Variants in RC3H1 observed in about 807,000 individuals in gnomAD.
RC3H1 encodes ring finger and CCCH-type domains 1.
Under a neutral mutation model 138.2 loss-of-function variants are expected in RC3H1, and 50 were observed. That is an observed-to-expected ratio of 0.36 (90% CI 0.29 to 0.46). The LOEUF (loss-of-function observed/expected upper bound fraction) is 0.46. Among genes scored for constraint, RC3H1 ranks in the 20% least tolerant of loss-of-function variants. The probability of loss-of-function intolerance (pLI) is 1.00; values close to 1 mark genes in which losing one functional copy is unlikely to be tolerated. For synonymous variants in RC3H1, 462 were observed against 489.1 expected (o/e 0.94, Z 0.73); for missense variants, 1,031 against 1,388.1 (o/e 0.74, Z 4.09).
chr1:173,952,099 C>T lies in RC3H1; in HGVS notation c.2410G>A (p.Gly804Arg). 1.9e-6 allele frequency: 3 copies of T among 1,587,364 alleles called. No individual in the cohort carries two copies. Among genetic ancestry groups the T allele is most frequent in the Non-Finnish European group, 1.7e-6 (2 of 1,166,820 alleles). Residue 804 changes from glycine to arginine, a missense_variant, in exon 14 of 20, where the codon GGA becomes AGA. This residue lies in a region of RC3H1 where 716 missense variants were observed against 837.9 expected (regional missense o/e 0.85). Transcript: ENST00000367696. ...GGAGAGTATTGGCTATAATCATTTC[C>T]TTTGTATTTCCCAGCTACCTTCAAG... is the stretch of plus-strand genomic sequence containing the variant. ...EDLKVAGKYK[G>R]NDYSQYSPWS...
At chr1:173,967,779 T>C (rs1660184872) in intron 9 of RC3H1, among the ~76,000 whole-genome samples, 1 of 152,234 alleles carries the variant, frequency 6.6e-6, no homozygotes, top group African/African-American at 2.4e-5. Flanking sequence ...TATCTTAGTT[T>C]TATAATTTTT....
chr1:173,964,653 C>A (rs1660025208), intron 10 of RC3H1, among the ~76,000 whole-genome samples, 186 bp downstream of exon 10: 2 of 152,070 alleles, frequency 1.3e-5, no homozygotes, highest in African/African-American at 4.8e-5. Flanking sequence ...AGGCATGTGC[C>A]ACCATGCCTG....
intron 1 of RC3H1, among the ~76,000 whole-genome samples, chr1:174,021,822 G>A (rs573600079): frequency 5.3e-5 from 8 of 152,294 alleles, no homozygotes; most frequent in African/African-American, 1.9e-4. Flanking sequence ...TCTCGTCCGA[G>A]CCTCCCTTCG....
intron 1 of RC3H1, among the ~76,000 whole-genome samples, chr1:174,011,739 G>C (rs966288598): frequency 1.3e-5 from 2 of 152,046 alleles, no homozygotes; most frequent in Non-Finnish European, 2.9e-5. Context: ...GATGAGTTTA[G>C]GAAGATGCAA....
At chr1:173,995,234 A>G (rs567911419) in intron 1 of RC3H1, among the ~76,000 whole-genome samples, 2 of 152,242 alleles carry the variant, frequency 1.3e-5, no homozygotes, top group South Asian at 4.1e-4. Flanking sequence ...GAGACTAGAT[A>G]GAATATAGTA....
At chr1:173,994,251 G>A (rs1032102821) in intron 1 of RC3H1, among the ~76,000 whole-genome samples, 1 of 151,922 alleles carries the variant, frequency 6.6e-6, no homozygotes, top group African/African-American at 2.4e-5. Flanking sequence ...AAATTAGCCA[G>A]GTGTGGTGGT....
intron 1 of RC3H1, among the ~76,000 whole-genome samples, chr1:174,001,967 A>G (rs1425264542): frequency 6.6e-6 from 1 of 152,096 alleles, no homozygotes; most frequent in Admixed American, 6.5e-5. Flanking sequence ...ATTCCAGTTT[A>G]CTCATTACCC....
Position 173,972,509 on chromosome 1 carries a change from C to T in RC3H1, c.1221G>A (p.Gln407=). 1 of 1,608,854 alleles carries T rather than the reference C, an allele frequency of 6.2e-7. No homozygotes were observed. The highest frequency in any genetic ancestry group is 8.5e-7 in the Non-Finnish European group (1 of 1,175,290). ...NHSKKGADQQ[Q]PPQHSKYKTY... is the part of the protein sequence containing the mutation. The stretch of plus-strand genomic sequence containing the variant: ...TCTAAGTTTTAAACAGCTTCCTTAC[C>T]TGCTGCTGATCTGCTCCTTTTTTGC... Residue 407 remains glutamine (Q), a splice_region_variant and synonymous_variant, in exon 8 of 20, where the codon CAG becomes CAA. Transcript: ENST00000367696.
At position 173,965,010 on chromosome 1, in the gene RC3H1, G is replaced by A; in HGVS notation, c.1445C>T (p.Ala482Val). 1 of 1,614,130 alleles carries A rather than the reference G, an allele frequency of 6.2e-7. No homozygotes were observed. Among genetic ancestry groups the A allele is most frequent in the Non-Finnish European group, 8.5e-7 (1 of 1,180,030 alleles). ...PSAAILPDEGAVDLPSRKPPA... is the reference protein window; with the variant it reads ...PSAAILPDEGVVDLPSRKPPA... ...AGGTTTTCTGCTAGGGAGATCCACTGCACCTTCATCTGGAAGGATAGCTGC... is the reference window on the plus strand; with the variant it reads ...AGGTTTTCTGCTAGGGAGATCCACTACACCTTCATCTGGAAGGATAGCTGC... Residue 482 changes from alanine (A) to valine (V), a missense_variant, in exon 10 of 20, where the codon GCA becomes GTA. By Grantham distance (64) the Ala-to-Val change is moderately conservative (BLOSUM62 0). Transcript: ENST00000367696.
At chr1:173,961,653 G>T in intron 12 of RC3H1, 72 bp downstream of exon 12, 1 of 1,358,786 alleles carries the variant, frequency 7.4e-7, no homozygotes, top group Non-Finnish European at 1.0e-6. Context: ...TATTGTCATT[G>T]CATAAAAAGT....
chr1:173,946,519 A>C lies in RC3H1; in HGVS notation c.2918T>G (p.Leu973Trp), dbSNP rs1431308786. 1 of 1,614,130 alleles carries C rather than the reference A, an allele frequency of 6.2e-7. No individual in the cohort carries two copies. Reference protein sequence around the residue: ...REQLRLELQQLNHQISQQTQL... With the variant: ...REQLRLELQQWNHQISQQTQL... Reference sequence around the variant, plus strand: ...GGTCTGCTGGCTAATCTGATGGTTCAATTGCTGCAATTCTAGTCGTAGCTG... The same window carrying C: ...GGTCTGCTGGCTAATCTGATGGTTCCATTGCTGCAATTCTAGTCGTAGCTG... Residue 973 changes from leucine (L) to tryptophan (W), a missense_variant, in exon 17 of 20, where the codon TTG (leucine) becomes TGG (tryptophan). Coordinates refer to ENST00000367696, the MANE Select transcript of RC3H1 (RefSeq NM_172071.4).
At chr1:173,947,095 G>A (rs1659169851) in intron 15 of RC3H1, among the ~76,000 whole-genome samples, 1 of 152,110 alleles carries the variant, frequency 6.6e-6, no homozygotes, top group South Asian at 2.1e-4. Flanking sequence ...TAATGAGAAT[G>A]TTATTCCCCC....
chr1:173,980,449 T>G (rs1193481865), intron 6 of RC3H1, among the ~76,000 whole-genome samples: 1 of 152,062 alleles, frequency 6.6e-6, no homozygotes, highest in Non-Finnish European at 1.5e-5. Context: ...AATGAATTAT[T>G]TAAAACCACT....
intron 8 of RC3H1, among the ~76,000 whole-genome samples, chr1:173,971,872 C>T (rs767040491): frequency 1.7e-4 from 26 of 152,000 alleles, no homozygotes; most frequent in Non-Finnish European, 2.2e-4. Context: ...AAGAGTTTTA[C>T]GTTCACAGGC....
At chr1:173,939,880 A>C (rs1294459026) in intron 19 of RC3H1, among the ~76,000 whole-genome samples, 1 of 152,150 alleles carries the variant, frequency 6.6e-6, no homozygotes, top group Non-Finnish European at 1.5e-5. Context: ...GAATTAAAAA[A>C]ACAGTCAAAA....
chr1:173,945,799 C>T (rs1362962073), intron 17 of RC3H1, among the ~76,000 whole-genome samples: 2 of 151,942 alleles, frequency 1.3e-5, no homozygotes, highest in African/African-American at 2.4e-5. Context: ...CCTCTGCTTC[C>T]TGGGTTCACA....
At chr1:173,941,232 T>C in intron 19 of RC3H1, 33 bp downstream of exon 19, 1 of 1,283,310 alleles carries the variant, frequency 7.8e-7, no homozygotes, top group Non-Finnish European at 1.1e-6. Context: ...TGTGTGTAAT[T>C]TAATATGGCT....
intron 6 of RC3H1, among the ~76,000 whole-genome samples, 198 bp from the exon 7 acceptor site, chr1:173,978,818 GT>G (rs1158912133): frequency 2.6e-5 from 4 of 152,126 alleles, no homozygotes; most frequent in African/African-American, 9.7e-5. Flanking sequence ...GGCACATTGT[GT>G]ACTGTATTGC....
chr1:173,958,787 T>G (rs577466295), intron 13 of RC3H1, among the ~76,000 whole-genome samples: 1 of 151,642 alleles, frequency 6.6e-6, no homozygotes, highest in South Asian at 2.1e-4. Flanking sequence ...ATTAACCAGT[T>G]TTTTTTTTGA....
Sources: gnomAD v4.1 joint callset for allele counts (sites outside exome capture counted in the v4.1 genomes callset) on GRCh38, gnomAD v4.1.1 for gene constraint, gnomAD v4.1.1 regional missense constraint, MANE v1.5 for transcripts, NCBI Gene and HGNC (gene_info 2026-07-23, HGNC 2026-07-21) for gene names.